The following SLC15A1 variants were observed in gnomAD, a reference collection of about 807,000 sequenced individuals.
The protein encoded by SLC15A1 is solute carrier family 15 member 1, also known as Caco-2 oligopeptide transporter.
SLC15A1 carries 83 observed loss-of-function variants against 92.9 expected under a neutral mutation model. The observed-to-expected ratio is 0.89, with a 90% CI of 0.75 to 1.07. SLC15A1 has a LOEUF of 1.07. Among genes scored for constraint, SLC15A1 ranks in the 50% least tolerant of loss-of-function variants. The probability of loss-of-function intolerance (pLI) is 0.00; values close to 1 mark genes in which losing one functional copy is unlikely to be tolerated. For missense variants in SLC15A1, 857 were observed against 880.1 expected (o/e 0.97, Z 0.33); for synonymous variants, 322 against 318.2 (o/e 1.01, Z -0.13).
intron 21 of SLC15A1, among the ~76,000 whole-genome samples, chr13:98,686,918 C>A (rs1297028689): frequency 6.6e-6 from 1 of 150,990 alleles, no homozygotes; most frequent in African/African-American, 2.4e-5. Context: ...CACTTAAAAG[C>A]AATAATTCTT....
chr13:98,744,748 CAAAAAAAA>C (rs5806073), intron 1 of SLC15A1, among the ~76,000 whole-genome samples: 2,925 of 82,470 alleles, frequency 0.035, 132 homozygotes, highest in African/African-American at 0.12. Context: ...GATTCCATCT[CAAAAAAAA>C]AAAAAAAAAA....
intron 10 of SLC15A1, 104 bp from the exon 11 acceptor site, chr13:98,712,047 T>C (rs1473768026): frequency 3.7e-6 from 3 of 802,466 alleles, no homozygotes; most frequent in Non-Finnish European, 6.4e-6. Flanking sequence ...GATATTTGCA[T>C]CTAGAGGCAA....
At chr13:98,692,162 T>C (rs1451755699) in intron 18 of SLC15A1, among the ~76,000 whole-genome samples, 1 of 96,690 alleles carries the variant, frequency 1.0e-5, no homozygotes, top group Non-Finnish European at 1.9e-5. Context: ...TTTTTTTTTT[T>C]TTTTTTTTTA....
In SLC15A1 at chr13:98,721,475, T is replaced by C; in HGVS notation, c.556+20A>G. Reference sequence around the variant, plus strand: ...TTACTAAAAAAAGACCAACAGAAGTTCCTTTCAGGTATCTCTTACCTCTGA... The same window carrying C: ...TTACTAAAAAAAGACCAACAGAAGTCCCTTTCAGGTATCTCTTACCTCTGA... On this transcript the variant is annotated intron_variant, in intron 7 of 22. Transcript: ENST00000376503. 3.2e-6 allele frequency: 5 copies of C among 1,576,360 alleles called. No homozygotes were observed. Among genetic ancestry groups the C allele is most frequent in the Non-Finnish European group, 4.4e-6 (5 of 1,146,232 alleles).
chr13:98,744,380 A>AG (rs1246144604), intron 1 of SLC15A1, among the ~76,000 whole-genome samples: 2 of 151,808 alleles, frequency 1.3e-5, no homozygotes, highest in Non-Finnish European at 2.9e-5. Context: ...CTAGAAAAAA[A>AG]TGCTTTACAA....
chr13:98,707,763 T>G (rs569177493), intron 15 of SLC15A1, among the ~76,000 whole-genome samples: 1 of 151,644 alleles, frequency 6.6e-6, no homozygotes, highest in East Asian at 1.9e-4. Flanking sequence ...AGTGTGGTGG[T>G]GCATGCCTAC....
At chr13:98,709,972 T>G (rs1367533323) in intron 11 of SLC15A1, 61 bp from the exon 12 acceptor site, 1 of 1,512,714 alleles carries the variant, frequency 6.6e-7, no homozygotes, top group Non-Finnish European at 9.2e-7. Flanking sequence ...ATTTTACAAG[T>G]CAATGGTGAG....
chr13:98,685,517 C>T (rs1251956746), intron 22 of SLC15A1, among the ~76,000 whole-genome samples: 2 of 152,192 alleles, frequency 1.3e-5, no homozygotes, highest in Non-Finnish European at 2.9e-5. Context: ...ATGGCTTTAA[C>T]TTCAGGTGTT....
intron 9 of SLC15A1, among the ~76,000 whole-genome samples, chr13:98,713,572 T>G (rs1309252171): frequency 6.6e-6 from 1 of 152,132 alleles, no homozygotes; most frequent in Non-Finnish European, 1.5e-5. Flanking sequence ...GGAAACATAT[T>G]TTAAGATATA....
rs576257402 is a variant in SLC15A1 at position 98,723,779 on chromosome 13, C to T, written c.365+133G>A. ...CCAGCTCAATCTATTTGACAGCCTT[C>T]TCCATGCTGCCCAAGGGGGAGGAAA... is the stretch of plus-strand genomic sequence containing the variant. On this transcript the variant is annotated intron_variant, in intron 5 of 22. Coordinates refer to ENST00000376503, the MANE Select transcript of SLC15A1 (RefSeq NM_005073.4). 4.5e-4 allele frequency: 565 copies of T among 1,242,962 alleles called. 1 individual carries two copies. Among genetic ancestry groups the T allele is most frequent in the Non-Finnish European group, 5.7e-4 (521 of 907,508 alleles). The allele number at this position is 1,242,962 out of a possible 1,614,324, so 77.0% of individuals were successfully genotyped here.
intron 11 of SLC15A1, 52 bp downstream of exon 11, chr13:98,711,802 C>T (rs771561123): frequency 3.1e-5 from 42 of 1,350,564 alleles, no homozygotes; most frequent in Non-Finnish European, 3.9e-5. Context: ...CCTGGCAGTG[C>T]GGGATGTACG....
rs142415569 is a variant in SLC15A1 at position 98,741,481 on chromosome 13, A to G, written c.4+11114T>C. ...TACAAAAATTAGCTACACTCCTGCA[A>G]TCCCAGTACTTTGGGAGGTCGAGGC... is the stretch of plus-strand genomic sequence containing the variant. On this transcript the variant is annotated intron_variant, in intron 1 of 22. Transcript: ENST00000376503. 4.0e-3 allele frequency among the ~76,000 whole-genome samples: 615 copies of G among 152,230 alleles called. 7 individuals are homozygous for G. Among genetic ancestry groups the G allele is most frequent in the African/African-American group, 0.014 (590 of 41,506 alleles).
chr13:98,721,646 T>G (rs1355305618), intron 6 of SLC15A1, 61 bp from the exon 7 acceptor site: 10 of 1,307,418 alleles, frequency 7.6e-6, no homozygotes, highest in African/African-American at 1.5e-5. Context: ...CACAGGGAGC[T>G]GATGATCTCA....
chr13:98,726,340 A>G (rs1187536033), intron 3 of SLC15A1, 28 bp downstream of exon 3: 5 of 1,613,978 alleles, frequency 3.1e-6, no homozygotes, highest in Non-Finnish European at 4.2e-6. Context: ...CTCTTCCCTG[A>G]AGGGTGAGAA....
In SLC15A1 at chr13:98,729,310, G is replaced by A. The variant is rs192305301; in HGVS notation, c.5-2451C>T. On this transcript the variant is annotated intron_variant, in intron 1 of 22. Transcript: ENST00000376503. The stretch of plus-strand genomic sequence containing the variant: ...AGCCCTATGGCAACCCCAGTGTTTC[G>A]AGCAGCAGCAGAGCTGCCCATATGA... 5.9e-5 allele frequency among the ~76,000 whole-genome samples: 9 copies of A among 152,206 alleles called. No individual in the cohort carries two copies. The East Asian group carries it at 7.7e-4, about 13-fold the overall frequency.
intron 18 of SLC15A1, among the ~76,000 whole-genome samples, chr13:98,700,356 A>G (rs1029197257): frequency 2.0e-5 from 3 of 151,864 alleles, no homozygotes; most frequent in Non-Finnish European, 4.4e-5. Flanking sequence ...GTGGTGGTAC[A>G]TGCCTGTAGT....
At chr13:98,747,836 G>A (rs2088506992) in intron 1 of SLC15A1, among the ~76,000 whole-genome samples, 1 of 152,180 alleles carries the variant, frequency 6.6e-6, no homozygotes, top group Admixed American at 6.5e-5. Flanking sequence ...AGCCGAGATT[G>A]TGCCACTGCA....
chr13:98,724,135 A>G, intron 4 of SLC15A1, 104 bp from the exon 5 acceptor site: 5 of 1,367,184 alleles, frequency 3.7e-6, no homozygotes, highest in Admixed American at 1.9e-5. Context: ...CAAGAGCCCA[A>G]TCCTGAATAC....
At chr13:98,744,950 AT>A (rs2088481201) in intron 1 of SLC15A1, among the ~76,000 whole-genome samples, 1 of 152,028 alleles carries the variant, frequency 6.6e-6, no homozygotes, top group Non-Finnish European at 1.5e-5. Context: ...CAGGTGACTT[AT>A]TTTTTTCAGT....
Sources: allele counts gnomAD v4.1 joint callset (sites outside exome capture counted in the v4.1 genomes callset), GRCh38; gene constraint gnomAD v4.1.1; transcripts MANE v1.5; gene names NCBI Gene and HGNC (gene_info 2026-07-23, HGNC 2026-07-21).